Variants in ELAVL2 observed in about 807,000 individuals in gnomAD.
The protein encoded by ELAVL2 is ELAV like RNA binding protein 2.
Under a neutral mutation model 34.6 loss-of-function variants are expected in ELAVL2, and 4 were observed. That is an observed-to-expected ratio of 0.12 (90% CI 0.06 to 0.26). The LOEUF is 0.26. Among genes scored for constraint, ELAVL2 ranks in the 10% least tolerant of loss-of-function variants. ELAVL2 has a pLI of 1.00. For synonymous variants in ELAVL2, 193 were observed against 154.8 expected (o/e 1.25, Z -1.83); for missense variants, 432 against 442.8 (o/e 0.98, Z 0.22).
the ELAVL2 span, among the ~76,000 whole-genome samples, chr9:23,840,441 T>C: frequency 6.6e-6 from 1 of 152,130 alleles, no homozygotes; most frequent in South Asian, 2.1e-4. Flanking sequence ...GAACAACTGA[T>C]TTAGAGCAAA....
chr9:23,757,259 T>A (rs191090085), intron 2 of ELAVL2, among the ~76,000 whole-genome samples: 1 of 152,168 alleles, frequency 6.6e-6, no homozygotes, highest in Non-Finnish European at 1.5e-5. Context: ...TGGATAACTC[T>A]GTAAAAATCA....
chr9:23,776,016 G>A (rs1294136772), intron 1 of ELAVL2, among the ~76,000 whole-genome samples: 1 of 152,162 alleles, frequency 6.6e-6, no homozygotes, highest in African/African-American at 2.4e-5. Flanking sequence ...GCCATGAATT[G>A]TGATTCAAGG....
intron 4 of ELAVL2, among the ~76,000 whole-genome samples, chr9:23,702,689 C>A (rs1186807272): frequency 1.3e-5 from 2 of 151,744 alleles, no homozygotes; most frequent in African/African-American, 4.8e-5. Flanking sequence ...TCCACATATG[C>A]GTATCTAAGA....
At chr9:23,810,593 G>C (rs917055354) in intron 1 of ELAVL2, among the ~76,000 whole-genome samples, 1 of 152,030 alleles carries the variant, frequency 6.6e-6, no homozygotes, top group African/African-American at 2.4e-5. Flanking sequence ...TCTTGGATCT[G>C]ATTTCAGCCA....
rs1039462613 is a variant in ELAVL2 at position 23,691,029 on chromosome 9, T to A, written c.*1528A>T. On this transcript the variant is annotated 3_prime_UTR_variant, in exon 7 of 7. Coordinates refer to ENST00000397312, the MANE Select transcript of ELAVL2 (RefSeq NM_004432.5). ...AAACCTATGGTTATACTCATTTTTT[T>A]ATACCACAAACATATTTATAAACCA... 1.3e-5 allele frequency: 2 copies of A among 152,598 alleles called. No homozygotes were observed. The highest frequency in any genetic ancestry group is 2.9e-5 in the Non-Finnish European group (2 of 68,002). The allele number at this position is 152,598 out of a possible 1,614,324, so 9.5% of individuals were successfully genotyped here.
At chr9:23,807,456 TA>T (rs1280867060) in intron 1 of ELAVL2, among the ~76,000 whole-genome samples, 1 of 152,106 alleles carries the variant, frequency 6.6e-6, no homozygotes, top group Non-Finnish European at 1.5e-5. Flanking sequence ...GACATTTTTT[TA>T]AAAAGTATTT....
the ELAVL2 span, among the ~76,000 whole-genome samples, chr9:23,833,760 C>T: frequency 6.6e-6 from 1 of 151,838 alleles, no homozygotes; most frequent in Admixed American, 6.6e-5. Flanking sequence ...ATTAATCCCC[C>T]TCTGTGAGAA....
intron 1 of ELAVL2, among the ~76,000 whole-genome samples, chr9:23,762,894 G>A (rs1309269536): frequency 1.3e-5 from 2 of 152,192 alleles, no homozygotes; most frequent in African/African-American, 4.8e-5. Flanking sequence ...GGAACTAACT[G>A]TAAGGTAACT....
chr9:23,784,097 C>A (rs1264172735), intron 1 of ELAVL2, among the ~76,000 whole-genome samples: 2 of 152,074 alleles, frequency 1.3e-5, no homozygotes, highest in Non-Finnish European at 2.9e-5. Flanking sequence ...ACTGAGGAGG[C>A]TGAGACAGGA....
chr9:23,850,568 G>A, the ELAVL2 span, among the ~76,000 whole-genome samples: 22 of 151,788 alleles, frequency 1.4e-4, no homozygotes, highest in Non-Finnish European at 3.1e-4. Context: ...AGGGCAAGCC[G>A]TGTGACAGCG....
intron 3 of ELAVL2, among the ~76,000 whole-genome samples, chr9:23,715,945 T>C (rs767552079): frequency 3.3e-5 from 5 of 152,196 alleles, no homozygotes; most frequent in Middle Eastern, 3.2e-3. Flanking sequence ...AGGACTTTCA[T>C]ACACTTCTTC....
At chr9:23,755,154 G>A (rs1450771025) in intron 2 of ELAVL2, among the ~76,000 whole-genome samples, 1 of 152,022 alleles carries the variant, frequency 6.6e-6, no homozygotes, top group East Asian at 1.9e-4. Context: ...CAAAATACGA[G>A]CAAAAATTGT....
chr9:23,743,139 G>T (rs572259659), intron 2 of ELAVL2, among the ~76,000 whole-genome samples: 3 of 152,100 alleles, frequency 2.0e-5, no homozygotes, highest in African/African-American at 2.4e-5. Flanking sequence ...CCATGGCTAC[G>T]AATTAAGTCA....
chr9:23,812,866 A>AT (rs2063192929), intron 1 of ELAVL2, among the ~76,000 whole-genome samples: 1 of 152,068 alleles, frequency 6.6e-6, no homozygotes, highest in East Asian at 1.9e-4. Context: ...GCACATTCTG[A>AT]TTCATCGTTA....
chr9:23,819,851 TTTC>T (rs1235201740), intron 1 of ELAVL2, among the ~76,000 whole-genome samples: 3 of 152,206 alleles, frequency 2.0e-5, no homozygotes, highest in African/African-American at 7.2e-5. Context: ...TTCCAGATGT[TTTC>T]TTCCTCTTCT....
chr9:23,786,034 T>C (rs367895032), intron 1 of ELAVL2, among the ~76,000 whole-genome samples: 1 of 152,194 alleles, frequency 6.6e-6, no homozygotes, highest in African/African-American at 2.4e-5. Flanking sequence ...TTTTGTACTC[T>C]GTCTCAAGCT....
At chr9:23,739,298 T>C (rs1381747925) in intron 2 of ELAVL2, among the ~76,000 whole-genome samples, 1 of 152,150 alleles carries the variant, frequency 6.6e-6, no homozygotes. Context: ...CTTATTGATA[T>C]AGGTAGTTTC....
intron 3 of ELAVL2, among the ~76,000 whole-genome samples, chr9:23,709,701 T>C (rs901966808): frequency 1.3e-5 from 2 of 152,202 alleles, no homozygotes; most frequent in African/African-American, 4.8e-5. Context: ...TGTTCTCCAT[T>C]TTCCATTTGC....
At chr9:23,779,320 G>A (rs922266410) in intron 1 of ELAVL2, 2 of 985,442 alleles carry the variant, frequency 2.0e-6, no homozygotes, top group Non-Finnish European at 2.4e-6. Context: ...GGCAGACAGA[G>A]GAACAAAGGC....
Sources: allele counts gnomAD v4.1 joint callset (sites outside exome capture counted in the v4.1 genomes callset), GRCh38; gene constraint gnomAD v4.1.1; transcripts MANE v1.5; gene names NCBI Gene and HGNC (gene_info 2026-07-23, HGNC 2026-07-21).